INPP4A: variants seen among roughly 807,000 people sequenced by gnomAD.
The protein encoded by INPP4A is inositol polyphosphate-4-phosphatase type I A.
Under a neutral mutation model 119.8 loss-of-function variants are expected in INPP4A, and 33 were observed. The ratio of observed to expected loss-of-function variants is 0.28; its 90% CI spans 0.21 to 0.37. The LOEUF is 0.37. Among genes scored for constraint, INPP4A ranks in the 10% least tolerant of loss-of-function variants. The pLI is 1.00. For missense variants in INPP4A, 956 were observed against 1,289.9 expected, an observed-to-expected ratio of 0.74 and a Z score of 3.97; for synonymous variants, 496 against 500.7, an observed-to-expected ratio of 0.99 and a Z score of 0.12.
intron 13 of INPP4A, among the ~76,000 whole-genome samples, chr2:98,551,626 T>G (rs189839149): frequency 6.6e-6 from 1 of 152,308 alleles, no homozygotes; most frequent in African/African-American, 2.4e-5. Context: ...CCAAGGTGAC[T>G]GTCATCTCCA....
chr2:98,493,813 C>CT (rs1286159062), intron 1 of INPP4A, among the ~76,000 whole-genome samples: 2 of 152,170 alleles, frequency 1.3e-5, no homozygotes, highest in East Asian at 3.9e-4. Context: ...CAGGAAGGAA[C>CT]TTTGAGTATA....
At chr2:98,555,162 A>G (rs1471057703) in intron 15 of INPP4A, among the ~76,000 whole-genome samples, 1 of 151,966 alleles carries the variant, frequency 6.6e-6, no homozygotes, top group Non-Finnish European at 1.5e-5. Flanking sequence ...CACCTCCCCT[A>G]TCGAAATTTC....
At chr2:98,461,251 C>T (rs937522898) in intron 1 of INPP4A, among the ~76,000 whole-genome samples, 1 of 152,206 alleles carries the variant, frequency 6.6e-6, no homozygotes, top group Non-Finnish European at 1.5e-5. Flanking sequence ...CACTATGCCA[C>T]ATGATGTAGT....
At chr2:98,583,412 C>T (rs1263389745) in intron 24 of INPP4A, among the ~76,000 whole-genome samples, 1 of 152,122 alleles carries the variant, frequency 6.6e-6, no homozygotes, top group African/African-American at 2.4e-5. Flanking sequence ...CTGCTGGTGC[C>T]CCCTCAGTCC....
chr2:98,555,908 G>A, intron 16 of INPP4A, 100 bp downstream of exon 16: 1 of 1,383,958 alleles, frequency 7.2e-7, no homozygotes, highest in Admixed American at 2.3e-5. Flanking sequence ...CCCCCATGCA[G>A]ACTGCAGGGA....
intron 2 of INPP4A, chr2:98,519,462 G>C (rs1425908240): frequency 6.6e-6 from 1 of 152,592 alleles, no homozygotes; most frequent in Admixed American, 6.5e-5. Flanking sequence ...ATGCAGCTCT[G>C]GGAAGAAAGC....
At chr2:98,539,823 C>T (rs763699688) in intron 10 of INPP4A, 148 bp downstream of exon 10, 6 of 745,664 alleles carry the variant, frequency 8.0e-6, no homozygotes, top group Non-Finnish European at 1.2e-5. Context: ...CTTGGCTTGC[C>T]TAAGCCTCAG....
At chr2:98,464,741 T>C (rs1044144425) in intron 1 of INPP4A, among the ~76,000 whole-genome samples, 2 of 152,196 alleles carry the variant, frequency 1.3e-5, no homozygotes, top group Non-Finnish European at 2.9e-5. Context: ...CCATGAGATA[T>C]CAGCAGAGGC....
chr2:98,559,433 T>C, intron 16 of INPP4A, 30 bp from the exon 17 acceptor site: 4 of 1,613,798 alleles, frequency 2.5e-6, no homozygotes, highest in Non-Finnish European at 3.4e-6. Context: ...TGCTCCTTAA[T>C]CATCCATGTC....
chr2:98,563,071 C>T (rs1002884277), intron 17 of INPP4A, among the ~76,000 whole-genome samples: 9 of 152,158 alleles, frequency 5.9e-5, no homozygotes, highest in Non-Finnish European at 1.0e-4. Context: ...TCCTTCCTCT[C>T]CGGGTGGAGG....
chr2:98,465,506 A>G (rs577897980), intron 1 of INPP4A, among the ~76,000 whole-genome samples: 1 of 152,340 alleles, frequency 6.6e-6, no homozygotes, highest in South Asian at 2.1e-4. Context: ...AATAGGTTCC[A>G]AGGATTTGAA....
chr2:98,486,462 T>C (rs1376409597), intron 1 of INPP4A, among the ~76,000 whole-genome samples: 1 of 152,204 alleles, frequency 6.6e-6, no homozygotes, highest in Non-Finnish European at 1.5e-5. Context: ...TTTCCACACC[T>C]TCCTGACCCT....
intron 1 of INPP4A, among the ~76,000 whole-genome samples, chr2:98,516,908 T>C (rs1686241199): frequency 6.6e-6 from 1 of 152,130 alleles, no homozygotes; most frequent in South Asian, 2.1e-4. Flanking sequence ...AGGTGGGCTA[T>C]TTCTTTAAAA....
chr2:98,534,460 C>T (rs1026033785), intron 5 of INPP4A, among the ~76,000 whole-genome samples: 1 of 152,158 alleles, frequency 6.6e-6, no homozygotes, highest in Non-Finnish European at 1.5e-5. Flanking sequence ...TCATGAAATT[C>T]TACTTCAGTA....
intron 1 of INPP4A, among the ~76,000 whole-genome samples, chr2:98,470,486 A>C (rs1167886001): frequency 6.6e-6 from 1 of 152,124 alleles, no homozygotes; most frequent in Non-Finnish European, 1.5e-5. Flanking sequence ...CCCTGCAAGG[A>C]GGCCTGGTGG....
chr2:98,570,489 G>A lies in INPP4A; in HGVS notation c.2518+1821G>A, dbSNP rs1023049328. Among the ~76,000 whole-genome samples, 77 of 152,076 alleles carry A rather than the reference G, an allele frequency of 5.1e-4. 1 individual carries two copies. The highest frequency in any genetic ancestry group is 2.5e-4 in the Non-Finnish European group (17 of 68,022). ...TACAGTCTCACTGTGGTGAGGGCTG[G>A]GCCAGGGATCAAGGGGTGATGAAAT... On this transcript the variant is annotated intron_variant, in intron 22 of 24. Transcript: ENST00000409851. The surrounding 1 kb of genome is among the most constrained non-coding windows in gnomAD (Gnocchi z 4.3).
At chr2:98,462,426 C>T (rs930478864) in intron 1 of INPP4A, among the ~76,000 whole-genome samples, 12 of 151,808 alleles carry the variant, frequency 7.9e-5, no homozygotes, top group Non-Finnish European at 1.6e-4. Flanking sequence ...TTAGCCTGGG[C>T]AACAGATGGA....
At chr2:98,543,669 C>T (rs975943682) in intron 10 of INPP4A, among the ~76,000 whole-genome samples, 6 of 152,226 alleles carry the variant, frequency 3.9e-5, no homozygotes, top group Non-Finnish European at 7.3e-5. Context: ...CACACTGCCA[C>T]GTGGTCAGTG....
At chr2:98,532,557 A>G (rs1423920904) in intron 4 of INPP4A, among the ~76,000 whole-genome samples, 4 of 152,198 alleles carry the variant, frequency 2.6e-5, no homozygotes, top group South Asian at 4.1e-4. Context: ...TGAACATGAT[A>G]GAGTGTACTA....
Sources: gnomAD v4.1 joint callset for allele counts (sites outside exome capture counted in the v4.1 genomes callset) on GRCh38, gnomAD v4.1.1 for gene constraint, Gnocchi (gnomAD v3.1) non-coding constraint, MANE v1.5 for transcripts, NCBI Gene and HGNC (gene_info 2026-07-23, HGNC 2026-07-21) for gene names.